The following ZBTB7C variants were observed in gnomAD, a reference collection of about 807,000 sequenced individuals.
ZBTB7C encodes zinc finger and BTB domain-containing protein 7C.
A neutral mutation model predicts 25.7 loss-of-function variants in ZBTB7C; 8 were observed. The ratio of observed to expected loss-of-function variants is 0.31; its 90% CI spans 0.18 to 0.56. ZBTB7C has a LOEUF of 0.56. ZBTB7C is among the 20% of genes least tolerant of loss of function. ZBTB7C has a pLI of 0.91. For synonymous variants in ZBTB7C, 394 were observed against 369.0 expected (o/e 1.07, Z -0.78); for missense variants, 824 against 855.2 (o/e 0.96, Z 0.46).
intron 2 of ZBTB7C, among the ~76,000 whole-genome samples, chr18:48,270,303 G>A (rs550871632): frequency 2.6e-4 from 36 of 137,444 alleles, no homozygotes; most frequent in Non-Finnish European, 4.9e-4. Flanking sequence ...CTGTTGCCAG[G>A]CTGGAGTGCA....
At chr18:48,151,997 C>G (rs1278721856) in intron 3 of ZBTB7C, among the ~76,000 whole-genome samples, 1 of 152,144 alleles carries the variant, frequency 6.6e-6, no homozygotes. Context: ...GGAGGGAGGA[C>G]ACTGTAGGAG....
At chr18:48,288,676 TA>T (rs1210762749) in intron 2 of ZBTB7C, among the ~76,000 whole-genome samples, 15 of 151,890 alleles carry the variant, frequency 9.9e-5, no homozygotes, top group African/African-American at 3.6e-4. Context: ...AAATGTAAAT[TA>T]AAAAACAGAA....
intron 4 of ZBTB7C, among the ~76,000 whole-genome samples, chr18:48,031,884 G>C (rs4940195): frequency 0.4 from 60,805 of 152,000 alleles, 12,591 homozygotes; most frequent in East Asian, 0.52. Context: ...TGTGAAAATG[G>C]AAGTGTCGGG....
At chr18:48,204,828 C>T (rs2042541874) in intron 2 of ZBTB7C, among the ~76,000 whole-genome samples, 1 of 152,204 alleles carries the variant, frequency 6.6e-6, no homozygotes. Flanking sequence ...CATGGAAACT[C>T]AGCCAGGAGC....
At chr18:48,270,890 T>C (rs761557121) in intron 2 of ZBTB7C, among the ~76,000 whole-genome samples, 22 of 150,384 alleles carry the variant, frequency 1.5e-4, no homozygotes, top group African/African-American at 5.1e-4. Flanking sequence ...AAAAGTAATA[T>C]GGGACAAAAA....
intron 1 of ZBTB7C, among the ~76,000 whole-genome samples, chr18:48,377,061 G>T (rs1469259516): frequency 6.6e-6 from 1 of 152,200 alleles, no homozygotes; most frequent in Admixed American, 6.5e-5. Context: ...GCAGGGCTGA[G>T]ATCAAGCCCT....
intron 1 of ZBTB7C, among the ~76,000 whole-genome samples, chr18:48,342,116 T>C (rs1413592530): frequency 1.3e-5 from 2 of 152,124 alleles, no homozygotes; most frequent in Non-Finnish European, 2.9e-5. Context: ...TTGTGACATC[T>C]TTCTTCCCTC....
chr18:48,031,384 C>T (rs2035739957), intron 4 of ZBTB7C, among the ~76,000 whole-genome samples: 1 of 152,104 alleles, frequency 6.6e-6, no homozygotes, highest in Non-Finnish European at 1.5e-5. Context: ...CACCCTCTTC[C>T]CCTCCACATC....
Position 48,193,612 on chromosome 18 carries a change from C to T in ZBTB7C, c.-78-7617G>A, listed in dbSNP as rs950714974. Among the ~76,000 whole-genome samples the T allele has an allele frequency of 9.2e-5, 14 of 152,296 alleles. No individual in the cohort carries two copies. In the South Asian group the frequency reaches 1.2e-3, roughly 14 times the overall value. On this transcript the variant is annotated intron_variant, in intron 2 of 4. Transcript: ENST00000590800. ...TTGTTAATGGGGGCACTTGCCGCAGCGCTGAGAGCATATCTCAGAGATGAC... is the reference window on the plus strand; with the variant it reads ...TTGTTAATGGGGGCACTTGCCGCAGTGCTGAGAGCATATCTCAGAGATGAC...
intron 2 of ZBTB7C, among the ~76,000 whole-genome samples, chr18:48,277,383 A>G (rs951807581): frequency 6.6e-6 from 1 of 151,706 alleles, no homozygotes; most frequent in African/African-American, 2.4e-5. Context: ...GCAGCCAAAA[A>G]ACACATGAAA....
intron 2 of ZBTB7C, among the ~76,000 whole-genome samples, chr18:48,187,354 C>T (rs1164383347): frequency 8.5e-5 from 13 of 152,180 alleles, no homozygotes; most frequent in Admixed American, 8.5e-4. Context: ...TAAATACATA[C>T]AGCAGAATTT....
intron 2 of ZBTB7C, among the ~76,000 whole-genome samples, chr18:48,281,817 G>A (rs1399738893): frequency 6.7e-6 from 1 of 150,066 alleles, no homozygotes; most frequent in Non-Finnish European, 1.5e-5. Flanking sequence ...AACAACAGGT[G>A]CTGGAGAGGA....
chr18:48,102,724 T>G (rs1395558386), intron 3 of ZBTB7C, among the ~76,000 whole-genome samples: 1 of 152,030 alleles, frequency 6.6e-6, no homozygotes, highest in African/African-American at 2.4e-5. Context: ...TTGCCCTAAA[T>G]AGACAGAGGT....
intron 3 of ZBTB7C, among the ~76,000 whole-genome samples, chr18:48,152,865 T>C (rs551788323): frequency 6.6e-6 from 1 of 152,372 alleles, no homozygotes; most frequent in African/African-American, 2.4e-5. Flanking sequence ...TCTTGTTTAC[T>C]TCTCATCTGG....
intron 2 of ZBTB7C, among the ~76,000 whole-genome samples, chr18:48,233,598 T>A (rs1035875113): frequency 1.3e-5 from 2 of 152,184 alleles, no homozygotes; most frequent in African/African-American, 4.8e-5. Context: ...CCCAGCTTCC[T>A]AGCAGTTAAG....
intron 1 of ZBTB7C, among the ~76,000 whole-genome samples, chr18:48,355,541 C>T (rs577859796): frequency 1.6e-4 from 24 of 152,294 alleles, no homozygotes; most frequent in South Asian, 4.1e-4. Flanking sequence ...CATTCGCTTC[C>T]GCACTATCCT....
In ZBTB7C at chr18:48,040,083, T is replaced by A; in HGVS notation, c.1025A>T (p.His342Leu). ...GAYLNFLSATHLGGLFPPWPL... is the reference protein window; with the variant it reads ...GAYLNFLSATLLGGLFPPWPL... ...CCAGGGTGGGAAGAGGCCTCCCAGGTGGGTGGCACTCAGGAAGTTGAGATA... is the reference window on the plus strand; with the variant it reads ...CCAGGGTGGGAAGAGGCCTCCCAGGAGGGTGGCACTCAGGAAGTTGAGATA... The change falls in exon 4 of 5, where the codon CAC becomes CTC. Residue 342 changes from histidine to leucine, a missense_variant. Physicochemically the swap from His to Leu is moderately conservative, Grantham distance 99. Around this residue, in one of 4 missense-constraint regions of ZBTB7C, gnomAD observed 316 missense variants for 299.2 expected, o/e 1.06. Coordinates refer to ENST00000590800, the MANE Select transcript of ZBTB7C (RefSeq NM_001318841.2). The A allele has an allele frequency of 6.2e-7, 1 of 1,611,430 alleles. No individual in the cohort carries two copies. The highest frequency in any genetic ancestry group is 8.5e-7 in the Non-Finnish European group (1 of 1,178,686).
At chr18:48,321,082 T>C (rs1230020008) in intron 2 of ZBTB7C, among the ~76,000 whole-genome samples, 2 of 152,234 alleles carry the variant, frequency 1.3e-5, no homozygotes, top group East Asian at 1.9e-4. Context: ...TATTGGTGCC[T>C]GAGTCTCACC....
At position 48,332,621 on chromosome 18, in the gene ZBTB7C, T is replaced by A. The variant is rs1463292958; in HGVS notation, c.-79+5553A>T. On this transcript the variant is annotated intron_variant, in intron 2 of 4. Coordinates refer to ENST00000590800, the MANE Select transcript of ZBTB7C (RefSeq NM_001318841.2). ...CCTACCATTCAGTTCCAAAATTCTA[T>A]CAGTTTACCCTTTCCTAGTCTGTTT... Among the ~76,000 whole-genome samples, 5 of 151,706 alleles carry A rather than the reference T, an allele frequency of 3.3e-5. No individual in the cohort carries two copies. The South Asian group carries it at 6.3e-4, about 19-fold the overall frequency.
Sources: gnomAD v4.1 joint callset for allele counts (sites outside exome capture counted in the v4.1 genomes callset) on GRCh38, gnomAD v4.1.1 for gene constraint, gnomAD v4.1.1 regional missense constraint, MANE v1.5 for transcripts, NCBI Gene and HGNC (gene_info 2026-07-23, HGNC 2026-07-21) for gene names.